DOCK6: variants seen among roughly 807,000 people sequenced by gnomAD.
DOCK6 encodes dedicator of cytokinesis 6, also known as dedicator of cytokinesis protein 6.
DOCK6 carries 167 observed loss-of-function variants against 230.3 expected under a neutral mutation model. The ratio of observed to expected loss-of-function variants is 0.73; its 90% confidence interval spans 0.64 to 0.82. DOCK6 has a LOEUF of 0.82. Among genes scored for constraint, DOCK6 ranks in the 40% least tolerant of loss-of-function variants. DOCK6 has a pLI of 0.00. For missense variants in DOCK6, 2,598 were observed against 2,825.8 expected, an observed-to-expected ratio of 0.92 and a Z score of 1.83; for synonymous variants, 1,148 against 1,185.0, an observed-to-expected ratio of 0.97 and a Z score of 0.64.
Position 11,212,031 on chromosome 19 carries a change from C to T in DOCK6, c.4612G>A (p.Glu1538Lys). ...GTGCTGTCCCGCAGCCCCATGTCCT[C>T]CTCAGCATAGGTGAGGATGGTTTTG... The part of the protein sequence containing the change: ...SLKTILTYAE[E>K]DMGLRDSTFA... The change falls in exon 36 of 48, where the codon GAG becomes AAG. Residue 1538 changes from glutamate to lysine, a missense_variant. Glu to Lys is a moderately conservative substitution (Grantham distance 56). Coordinates refer to ENST00000294618, the MANE Select transcript of DOCK6 (RefSeq NM_020812.4). 1.2e-6 allele frequency: 2 copies of T among 1,609,822 alleles called. No individual in the cohort carries two copies. The highest frequency in any genetic ancestry group is 1.7e-6 in the Non-Finnish European group (2 of 1,178,518).
Position 11,248,171 on chromosome 19 carries a change from G to A in DOCK6, c.721-20C>T, listed in dbSNP as rs765263137. On this transcript the variant is annotated intron_variant, in intron 6 of 47. Coordinates refer to ENST00000294618, the MANE Select transcript of DOCK6 (RefSeq NM_020812.4). ...TTCATCCTGCCAAGAGTGGGGGGTG[G>A]GAGCTGGGCGGGAGGAGCTGGGACA... 4 of 1,458,762 alleles carry A rather than the reference G, an allele frequency of 2.7e-6. No homozygotes were observed. The highest frequency in any genetic ancestry group is 3.8e-6 in the Non-Finnish European group (4 of 1,045,764). 90.4% of individuals were successfully genotyped at this position (1,458,762 alleles called of 1,614,324 possible). A position where few individuals can be genotyped will look rare whatever the true frequency, so the allele number is the denominator to read the frequency against.
At chr19:11,238,934 TACA>T (rs2079895301) in intron 14 of DOCK6, 1 of 155,080 alleles carries the variant, frequency 6.4e-6, no homozygotes, top group African/African-American at 2.4e-5. Context: ...ACACTATTAC[TACA>T]ACAATGAAAT....
Position 11,214,307 on chromosome 19 carries a change from C to T in DOCK6, c.4306G>A (p.Gly1436Ser), listed in dbSNP as rs761574030. The T allele has an allele frequency of 6.2e-7, 1 of 1,613,312 alleles. No individual in the cohort carries two copies. Among genetic ancestry groups the T allele is most frequent in the South Asian group, 1.1e-5 (1 of 91,058 alleles). The change falls in exon 34 of 48, where the codon GGC becomes AGC. Residue 1436 changes from glycine (G) to serine (S), a missense_variant. Physicochemically the swap from Gly to Ser is moderately conservative, Grantham distance 56. Coordinates refer to ENST00000294618, the MANE Select transcript of DOCK6 (RefSeq NM_020812.4). ...SAQSALFLQH[G>S]LATQRALVSK... ...ACAAGGGCCCTCTGGGTGGCCAGGC[C>T]ATGCTGCAAGAAGAGGGCACTCTGG...
At chr19:11,216,887 C>G in intron 30 of DOCK6, 27 bp downstream of exon 30, 1 of 1,611,194 alleles carries the variant, frequency 6.2e-7, no homozygotes, top group Non-Finnish European at 8.5e-7. Context: ...CTGCCTCCTC[C>G]ATCATCTCCT....
At chr19:11,242,588 C>A (rs1296976147) in intron 13 of DOCK6, among the ~76,000 whole-genome samples, 1 of 151,924 alleles carries the variant, frequency 6.6e-6, no homozygotes. Flanking sequence ...GATGGAATTT[C>A]ACCATGTTGG....
At position 11,213,196 on chromosome 19, in the gene DOCK6, G is replaced by C; in HGVS notation, c.4471C>G (p.Gln1491Glu). 8 of 1,612,674 alleles carry C rather than the reference G, an allele frequency of 5.0e-6. No individual in the cohort carries two copies. Among genetic ancestry groups the C allele is most frequent in the Non-Finnish European group, 6.8e-6 (8 of 1,179,458 alleles). ...ASASLYLLMR[Q>E]NFEIGHNFAR... ...CTCACGTGGCCGATCTCGAAGTTCT[G>C]TCGCATGAGCAGGTACAGCGAGGCG... The change falls in exon 35 of 48, where the codon CAG (glutamine) becomes GAG (glutamate). Residue 1491 changes from glutamine to glutamate, a missense_variant. Gln to Glu is a conservative substitution (Grantham distance 29). Transcript: ENST00000294618.
chr19:11,236,237 G>A lies in DOCK6; in HGVS notation c.2392+109C>T. On this transcript the variant is annotated intron_variant, in intron 20 of 47. Transcript: ENST00000294618. The surrounding 1 kb of genome is among the most constrained non-coding windows in gnomAD (Gnocchi z 5.2). Reference sequence around the variant, plus strand: ...GGGGACTGGAGGTCATTTTTCAGATGAGAAAAATGGCCAGAGAGGTAAATG... The same window carrying A: ...GGGGACTGGAGGTCATTTTTCAGATAAGAAAAATGGCCAGAGAGGTAAATG... 1 of 1,097,146 alleles carries A rather than the reference G, an allele frequency of 9.1e-7. No homozygotes were observed. Among genetic ancestry groups the A allele is most frequent in the Non-Finnish European group, 1.3e-6 (1 of 778,282 alleles). 68.0% of individuals were successfully genotyped at this position (1,097,146 alleles called of 1,614,324 possible). A position where few individuals can be genotyped will look rare whatever the true frequency, so the allele number is the denominator to read the frequency against.
intron 6 of DOCK6, among the ~76,000 whole-genome samples, chr19:11,250,445 G>C (rs1240298809): frequency 6.6e-6 from 1 of 151,830 alleles, no homozygotes; most frequent in African/African-American, 2.4e-5. Flanking sequence ...CTCCTGAGTA[G>C]CTAGGATTAC....
At chr19:11,216,413 C>T (rs1568228284) in intron 30 of DOCK6, among the ~76,000 whole-genome samples, 2 of 140,996 alleles carry the variant, frequency 1.4e-5, no homozygotes, top group Admixed American at 7.1e-5. Context: ...TTCTTTTCTT[C>T]TTTTTTTTTT....
rs759309200 is a variant in DOCK6 at position 11,262,443 on chromosome 19, T to A, written c.-3A>T. The stretch of plus-strand genomic sequence containing the variant: ...GCGCGGCGCTCGGAGGCAGCCATGG[T>A]CCTCGCGTCCCGCCGCCGCCGCCCC... On this transcript the variant is annotated 5_prime_UTR_variant, in exon 1 of 48. Transcript: ENST00000294618. The A allele has an allele frequency of 2.5e-6, 3 of 1,202,328 alleles. No homozygotes were observed. In the South Asian group the frequency reaches 1.2e-4, roughly 48 times the overall value. The allele number at this position is 1,202,328 out of a possible 1,614,324, so 74.5% of individuals were successfully genotyped here. A position where few individuals can be genotyped will look rare whatever the true frequency, so the allele number is the denominator to read the frequency against.
intron 24 of DOCK6, among the ~76,000 whole-genome samples, chr19:11,225,521 A>C (rs2079649667): frequency 6.7e-6 from 1 of 148,232 alleles, no homozygotes; most frequent in Non-Finnish European, 1.5e-5. Flanking sequence ...CCCCATCTCT[A>C]CACACACACA....
intron 7 of DOCK6, among the ~76,000 whole-genome samples, chr19:11,246,089 C>T (rs1428714859): frequency 6.6e-6 from 1 of 150,854 alleles, no homozygotes; most frequent in Non-Finnish European, 1.5e-5. Context: ...TTTTTTGAGA[C>T]AGAGTCTCGC....
At chr19:11,261,894 A>G (rs2080296841) in intron 1 of DOCK6, among the ~76,000 whole-genome samples, 1 of 151,858 alleles carries the variant, frequency 6.6e-6, no homozygotes, top group African/African-American at 2.4e-5. Flanking sequence ...GGGCACGGGA[A>G]ACTCCTCGAG....
chr19:11,242,287 C>A (rs923185310), intron 13 of DOCK6, 80 bp from the exon 14 acceptor site: 1 of 1,293,764 alleles, frequency 7.7e-7, no homozygotes, highest in Non-Finnish European at 9.9e-7. Context: ...GTAGTCAGGG[C>A]AGACTCTCCC....
At chr19:11,209,211 G>T in intron 37 of DOCK6, 108 bp from the exon 38 acceptor site, 1 of 1,330,796 alleles carries the variant, frequency 7.5e-7, no homozygotes, top group Non-Finnish European at 1.0e-6. Flanking sequence ...CCGCCCCAAG[G>T]ACCAGCCAAT....
rs397509398 is a variant in DOCK6 at position 11,235,631 on chromosome 19, G to GA, written c.2520dup (p.Arg841SerfsTer6). The GA allele has an allele frequency of 1.2e-6, 2 of 1,602,450 alleles. No individual in the cohort carries two copies. Among genetic ancestry groups the GA allele is most frequent in the Middle Eastern group, 3.3e-4 (2 of 6,066 alleles). On this transcript the variant is annotated frameshift_variant, in exon 21 of 48. Transcript: ENST00000294618. LOFTEE classifies it high-confidence loss of function. Reference sequence around the variant, plus strand: ...AGGCTGGGCTCAGTGCCAGGAAGGCGAAAGGCGTAGTGGACGTAGGCAGCC... The same window carrying GA: ...AGGCTGGGCTCAGTGCCAGGAAGGCGAAAAGGCGTAGTGGACGTAGGCAGCC...
At position 11,243,614 on chromosome 19, in the gene DOCK6, A is replaced by G; in HGVS notation, c.1201T>C (p.Leu401=). Residue 401 remains leucine, a synonymous_variant, in exon 11 of 48, where the codon TTG becomes CTG. Transcript: ENST00000294618. This position sits in a 1 kb window ranked among gnomAD's most constrained non-coding sequence, Gnocchi z 6.3. ...RMPFAWTAVH[L]ANIVSSAGQL... ...CCAGCGCTGCTCACGATGTTGGCCA[A>G]GTGCACGGCCGTCCAGGCGAAGGGC... 1.2e-6 allele frequency: 2 copies of G among 1,611,766 alleles called. No homozygotes were observed. The highest frequency in any genetic ancestry group is 1.7e-6 in the Non-Finnish European group (2 of 1,179,412).
Position 11,243,879 on chromosome 19 carries a change from C to G in DOCK6, c.1027G>C (p.Glu343Gln). Residue 343 changes from glutamate (E) to glutamine (Q), a missense_variant, in exon 10 of 48, where the codon GAG (glutamate) becomes CAG (glutamine). Glu to Gln is a conservative substitution (Grantham distance 29). Transcript: ENST00000294618. This position sits in a 1 kb window ranked among gnomAD's most constrained non-coding sequence, Gnocchi z 6.3. ...ATGTCCCCTTGCTGAAGCACCTTCT[C>G]CAACTGCGGGGCAGATGAATGAATC... ...SPDIFLVIKL[E>Q]KVLQQGDISE... 1 of 1,608,634 alleles carries G rather than the reference C, an allele frequency of 6.2e-7. No homozygotes were observed. Among genetic ancestry groups the G allele is most frequent in the Non-Finnish European group, 8.5e-7 (1 of 1,177,664 alleles).
chr19:11,213,207 A>G lies in DOCK6; in HGVS notation c.4460T>C (p.Leu1487Pro). Residue 1487 changes from leucine to proline, a missense_variant, in exon 35 of 48, where the codon CTG becomes CCG. Transcript: ENST00000294618. ...IRTHASASLY[L>P]LMRQNFEIGH... ...GATCTCGAAGTTCTGTCGCATGAGC[A>G]GGTACAGCGAGGCGCTGGCGTGCGT... 6.2e-7 allele frequency: 1 copy of G among 1,613,064 alleles called. No individual in the cohort carries two copies. The highest frequency in any genetic ancestry group is 8.5e-7 in the Non-Finnish European group (1 of 1,179,746).
Sources: gnomAD v4.1 joint callset for allele counts (sites outside exome capture counted in the v4.1 genomes callset) on GRCh38, gnomAD v4.1.1 for gene constraint, Gnocchi (gnomAD v3.1) non-coding constraint, MANE v1.5 for transcripts, NCBI Gene and HGNC (gene_info 2026-07-23, HGNC 2026-07-21) for gene names.